Variants in NOCT observed in about 807,000 individuals in gnomAD.
NOCT encodes nocturnin.
A neutral mutation model predicts 35.0 loss-of-function variants in NOCT; 18 were observed. The ratio of observed to expected loss-of-function variants is 0.51; its 90% CI spans 0.36 to 0.76. The LOEUF (loss-of-function observed/expected upper bound fraction) is 0.76, where lower values mean the gene tolerates loss of function less well. NOCT is among the 30% of genes least tolerant of loss of function. NOCT has a pLI of 0.01. For synonymous variants in NOCT, 235 were observed against 226.3 expected (o/e 1.04, Z -0.34); for missense variants, 479 against 541.0 (o/e 0.89, Z 1.14).
rs1055757449 is a variant in NOCT at position 139,045,543 on chromosome 4, G to C, written c.*69G>C. On this transcript the variant is annotated 3_prime_UTR_variant, in exon 3 of 3. Transcript: ENST00000280614. ...TTTTTTTTTTTTTTTTTGAGACAGAGTCTCGCTCTGTTGCCTAGGCTGGAG... is the reference window on the plus strand; with the variant it reads ...TTTTTTTTTTTTTTTTTGAGACAGACTCTCGCTCTGTTGCCTAGGCTGGAG... 1.4e-6 allele frequency: 1 copy of C among 728,400 alleles called. No individual in the cohort carries two copies. The highest frequency in any genetic ancestry group is 2.0e-6 in the Non-Finnish European group (1 of 488,714). The allele number at this position is 728,400 out of a possible 1,614,324, so 45.1% of individuals were successfully genotyped here.
intron 1 of NOCT, among the ~76,000 whole-genome samples, chr4:139,025,819 A>AT (rs201926095): frequency 2.7e-5 from 4 of 150,270 alleles, no homozygotes; most frequent in Non-Finnish European, 4.5e-5. Context: ...AAAAAAAAAA[A>AT]TTTAAATATA....
At chr4:139,018,085 T>TCCCCAC (rs1726345106) in intron 1 of NOCT, among the ~76,000 whole-genome samples, 1 of 151,190 alleles carries the variant, frequency 6.6e-6, no homozygotes, top group Non-Finnish European at 1.5e-5. Context: ...ACAGTTAGAT[T>TCCCCAC]CCCCACCCCC....
chr4:139,019,363 C>T (rs1005641380), intron 1 of NOCT, among the ~76,000 whole-genome samples: 1 of 152,130 alleles, frequency 6.6e-6, no homozygotes, highest in Non-Finnish European at 1.5e-5. Flanking sequence ...CTATGAAGTG[C>T]TTTTTTAAAA....
Position 139,045,482 on chromosome 4 carries a change from CT to C in NOCT, c.*12del. ...TCTGATGGACTTTCATAAATACTTG[CT>C]TTTGTCTTTTTAATCACAGGAGTCT... On this transcript the variant is annotated 3_prime_UTR_variant, in exon 3 of 3. Coordinates refer to ENST00000280614, the MANE Select transcript of NOCT (RefSeq NM_012118.4). 12 of 875,424 alleles carry C rather than the reference CT, an allele frequency of 1.4e-5. No individual in the cohort carries two copies. The highest frequency in any genetic ancestry group is 1.8e-5 in the Non-Finnish European group (11 of 594,836). The allele number at this position is 875,424 out of a possible 1,614,324, so 54.2% of individuals were successfully genotyped here.
intron 2 of NOCT, 22 bp from the exon 3 acceptor site, chr4:139,044,617 C>G (rs919329962): frequency 6.6e-7 from 1 of 1,524,948 alleles, no homozygotes; most frequent in African/African-American, 1.4e-5. Context: ...GAGCTGACAA[C>G]TGACTAGCTT....
chr4:139,045,103 CA>C lies in NOCT; in HGVS notation c.929del (p.Asn310ThrfsTer35). 6.2e-7 allele frequency: 1 copy of C among 1,614,164 alleles called. No individual in the cohort carries two copies. Among genetic ancestry groups the C allele is most frequent in the Non-Finnish European group, 8.5e-7 (1 of 1,180,014 alleles). ...AGGCTGTGACCTCCTTCAGAACCTG[CA>C]AAACATCACCCAAGGAGCCAAGATT... Reference protein sequence around the residue: ...AQGCDLLQNLQNITQGAKIPL... With the variant: ...AQGCDLLQNLXNITQGAKIPL... On this transcript the variant is annotated frameshift_variant, in exon 3 of 3. Coordinates refer to ENST00000280614, the MANE Select transcript of NOCT (RefSeq NM_012118.4). LOFTEE classifies it high-confidence loss of function.
rs552158252 is a variant in NOCT, at chr4:139,016,117, C to T, written c.136C>T (p.Leu46=). 2,045 of 1,310,174 alleles carry T rather than the reference C, an allele frequency of 1.6e-3. 11 individuals carry two copies. Among genetic ancestry groups the T allele is most frequent in the Middle Eastern group, 0.014 (48 of 3,538 alleles). 81.2% of individuals were successfully genotyped at this position (1,310,174 alleles called of 1,614,324 possible). A position where few individuals can be genotyped will look rare whatever the true frequency, so the allele number is the denominator to read the frequency against. The change falls in exon 1 of 3, where the codon CTG becomes TTG. Residue 46 remains leucine, a synonymous_variant. Transcript: ENST00000280614. Reference sequence around the variant, plus strand: ...TGTTCCCAGGCCCGCATCCCCCCGGCTGCTGGCGGCGGCCTCGGCGGCCTC... The same window carrying T: ...TGTTCCCAGGCCCGCATCCCCCCGGTTGCTGGCGGCGGCCTCGGCGGCCTC... The part of the protein sequence containing the change: ...AAVPRPASPR[L]LAAASAASGA...
At chr4:139,036,475 A>C (rs1158536851) in intron 1 of NOCT, among the ~76,000 whole-genome samples, 1 of 152,172 alleles carries the variant, frequency 6.6e-6, no homozygotes, top group African/African-American at 2.4e-5. Context: ...GAGAGTGGCT[A>C]CCCATGATGG....
At chr4:139,027,498 AT>A (rs1230947935) in intron 1 of NOCT, among the ~76,000 whole-genome samples, 2 of 148,510 alleles carry the variant, frequency 1.3e-5, no homozygotes, top group African/African-American at 2.5e-5. Flanking sequence ...TGTAAACTTT[AT>A]TTATGGACTT....
chr4:139,016,673 A>G (rs1271100978), intron 1 of NOCT, among the ~76,000 whole-genome samples: 2 of 66,340 alleles, frequency 3.0e-5, no homozygotes, highest in East Asian at 5.4e-4. Context: ...TTTTTTTTTG[A>G]GATGGAGTCT....
At chr4:139,043,712 T>TC (rs1726880970) in intron 2 of NOCT, 1 of 164,182 alleles carries the variant, frequency 6.1e-6, no homozygotes, top group Non-Finnish European at 1.3e-5. Context: ...GGTCAGGAGT[T>TC]CGAGACCAGC....
intron 1 of NOCT, among the ~76,000 whole-genome samples, chr4:139,019,800 C>T (rs978198811): frequency 6.6e-6 from 1 of 152,142 alleles, no homozygotes; most frequent in Non-Finnish European, 1.5e-5. Flanking sequence ...GCCACAGTTA[C>T]TGTACTGGAT....
chr4:139,017,251 G>T (rs1337667255), intron 1 of NOCT, among the ~76,000 whole-genome samples: 3 of 143,682 alleles, frequency 2.1e-5, no homozygotes, highest in African/African-American at 5.1e-5. Context: ...TTTTGAGACG[G>T]AGTTTTGCTC....
chr4:139,038,099 C>T (rs1578631973), intron 1 of NOCT, among the ~76,000 whole-genome samples: 1 of 152,044 alleles, frequency 6.6e-6, no homozygotes, highest in East Asian at 1.9e-4. Flanking sequence ...CCTCGGGAGG[C>T]TGAGGAAGGA....
In NOCT at chr4:139,045,037, C is replaced by T. The variant is rs748771340; in HGVS notation, c.859C>T (p.Leu287=). 2.5e-6 allele frequency: 4 copies of T among 1,614,204 alleles called. No homozygotes were observed. The highest frequency in any genetic ancestry group is 3.4e-6 in the Non-Finnish European group (4 of 1,180,040). ...ACAGTTCTGCATCGCTGTTACCCAT[C>T]TAAAAGCACGCACTGGCTGGGAGCG... ...GRQFCIAVTH[L]KARTGWERFR... Residue 287 remains leucine (L), a synonymous_variant, in exon 3 of 3, where the codon CTA becomes TTA. Transcript: ENST00000280614.
intron 1 of NOCT, among the ~76,000 whole-genome samples, chr4:139,023,033 G>A (rs1726443754): frequency 1.3e-5 from 2 of 151,978 alleles, no homozygotes; most frequent in South Asian, 4.2e-4. Context: ...CCAGGGAGGT[G>A]GAGGTTGCAG....
chr4:139,041,018 A>G (rs1441888116), intron 1 of NOCT, among the ~76,000 whole-genome samples: 1 of 152,228 alleles, frequency 6.6e-6, no homozygotes, highest in East Asian at 1.9e-4. Context: ...AAATGAAATT[A>G]TTGAAATCAG....
At chr4:139,029,264 C>T (rs1357701996) in intron 1 of NOCT, among the ~76,000 whole-genome samples, 2 of 152,206 alleles carry the variant, frequency 1.3e-5, no homozygotes, top group African/African-American at 4.8e-5. Context: ...TTAATCCTCA[C>T]AGTAACCAAA....
At chr4:139,025,837 T>C (rs1726503406) in intron 1 of NOCT, among the ~76,000 whole-genome samples, 1 of 152,150 alleles carries the variant, frequency 6.6e-6, no homozygotes, top group Non-Finnish European at 1.5e-5. Flanking sequence ...ATAGGCACTT[T>C]ATTTCTTCAA....
Sources: gnomAD v4.1 joint callset for allele counts (sites outside exome capture counted in the v4.1 genomes callset) on GRCh38, gnomAD v4.1.1 for gene constraint, MANE v1.5 for transcripts, NCBI Gene and HGNC (gene_info 2026-07-23, HGNC 2026-07-21) for gene names.